TNNI3K: variants seen among roughly 807,000 people sequenced by gnomAD.
TNNI3K encodes the protein TNNI3 interacting kinase, also known as serine/threonine-protein kinase TNNI3K.
In TNNI3K, 140 loss-of-function variants were observed where a neutral mutation model predicts 114.5. The ratio of observed to expected loss-of-function variants is 1.22; its 90% CI spans 1.07 to 1.41. The LOEUF (loss-of-function observed/expected upper bound fraction) is 1.41, where lower values mean the gene tolerates loss of function less well. Among genes scored for constraint, TNNI3K ranks in the 40% most tolerant of loss-of-function variants. TNNI3K has a pLI of 0.00. For synonymous variants in TNNI3K, 347 were observed against 347.5 expected (o/e 1.00, Z 0.02); for missense variants, 1,125 against 1,007.6 (o/e 1.12, Z -1.58).
chr1:74,373,469 G>A (rs1262563910), intron 17 of TNNI3K: 1 of 151,876 alleles, frequency 6.6e-6, no homozygotes, highest in African/African-American at 2.4e-5. Flanking sequence ...TTGACATGGT[G>A]TGTTTATATT....
chr1:74,344,219 G>A (rs1024412915), intron 9 of TNNI3K, among the ~76,000 whole-genome samples: 6 of 152,142 alleles, frequency 3.9e-5, no homozygotes, highest in Non-Finnish European at 7.3e-5. Flanking sequence ...TCAAACAAGG[G>A]TGAAGTAAAA....
At chr1:74,330,692 A>G (rs1018582751) in intron 5 of TNNI3K, among the ~76,000 whole-genome samples, 58 of 152,262 alleles carry the variant, frequency 3.8e-4, no homozygotes, top group African/African-American at 1.3e-3. Context: ...CAGCCAATAA[A>G]CCTAAAATGG....
At chr1:74,404,346 C>T (rs922250162) in intron 17 of TNNI3K, among the ~76,000 whole-genome samples, 5 of 152,036 alleles carry the variant, frequency 3.3e-5, no homozygotes, top group South Asian at 2.1e-4. Flanking sequence ...TCTTCTTGCC[C>T]GTTTAATTTC....
At chr1:74,497,113 A>C (rs1184498106) in intron 23 of TNNI3K, among the ~76,000 whole-genome samples, 1 of 152,190 alleles carries the variant, frequency 6.6e-6, no homozygotes, top group Non-Finnish European at 1.5e-5. Flanking sequence ...GCAGTTTATA[A>C]AAGTTGAATA....
At chr1:74,302,875 GATGAAGGTGGCT>G (rs1382846712) in intron 5 of TNNI3K, among the ~76,000 whole-genome samples, 1 of 152,196 alleles carries the variant, frequency 6.6e-6, no homozygotes, top group Non-Finnish European at 1.5e-5. Context: ...TAAGATAAGT[GATGAAGGTGGCT>G]ACACTAAAAA....
intron 7 of TNNI3K, 47 bp downstream of exon 7, chr1:74,336,196 A>T (rs769048089): frequency 7.0e-6 from 11 of 1,565,256 alleles, no homozygotes; most frequent in Non-Finnish European, 9.4e-6. Context: ...TGCTTTATGT[A>T]TACCTTTTAC....
chr1:74,392,515 A>G (rs562105503), intron 17 of TNNI3K, among the ~76,000 whole-genome samples: 1 of 152,322 alleles, frequency 6.6e-6, no homozygotes, highest in East Asian at 1.9e-4. Flanking sequence ...CTTCTCATCT[A>G]TAAAGTCATT....
At chr1:74,477,976 T>A (rs187722343) in intron 21 of TNNI3K, among the ~76,000 whole-genome samples, 86 of 152,338 alleles carry the variant, frequency 5.6e-4, no homozygotes, top group African/African-American at 1.7e-3. Context: ...AGTGTCAAGA[T>A]ATTAGTGTTT....
At chr1:74,271,489 C>T in intron 4 of TNNI3K, 109 bp from the exon 5 acceptor site, 1 of 1,012,536 alleles carries the variant, frequency 9.9e-7, no homozygotes, top group Non-Finnish European at 1.4e-6. Flanking sequence ...CTTAAGTTTC[C>T]TTTGAGCACC....
rs1570653726 is a variant in TNNI3K at position 74,464,505 on chromosome 1, T to A, written c.2121+955T>A. The A allele has an allele frequency of 5.0e-6, 7 of 1,413,560 alleles. No homozygotes were observed. The East Asian group carries it at 1.8e-4, about 36-fold the overall frequency. The allele number at this position is 1,413,560 out of a possible 1,614,324, so 87.6% of individuals were successfully genotyped here. Reference sequence around the variant, plus strand: ...TTTGTTTCTGATCCTTCCTAGGCACTTTATAGCTCTTCAACAAGAGAATAA... The same window carrying A: ...TTTGTTTCTGATCCTTCCTAGGCACATTATAGCTCTTCAACAAGAGAATAA... On this transcript the variant is annotated intron_variant, in intron 21 of 24. Coordinates refer to ENST00000326637, the MANE Select transcript of TNNI3K (RefSeq NM_015978.3).
intron 17 of TNNI3K, among the ~76,000 whole-genome samples, chr1:74,410,650 A>C (rs1664838144): frequency 6.6e-6 from 1 of 152,240 alleles, no homozygotes; most frequent in African/African-American, 2.4e-5. Flanking sequence ...ACTAGATAGA[A>C]ACTTGGCATC....
At chr1:74,399,638 G>A (rs949240238) in intron 17 of TNNI3K, among the ~76,000 whole-genome samples, 1 of 152,286 alleles carries the variant, frequency 6.6e-6, no homozygotes, top group South Asian at 2.1e-4. Flanking sequence ...TCCCCAGATG[G>A]AAGGGAAAAG....
chr1:74,513,638 A>C (rs796100791), intron 23 of TNNI3K, among the ~76,000 whole-genome samples: 1 of 152,180 alleles, frequency 6.6e-6, no homozygotes, highest in South Asian at 2.1e-4. Flanking sequence ...ACATCTTGTC[A>C]CTTGCGTAAC....
intron 17 of TNNI3K, among the ~76,000 whole-genome samples, chr1:74,410,968 G>C (rs1253323592): frequency 6.6e-6 from 1 of 152,134 alleles, no homozygotes; most frequent in African/African-American, 2.4e-5. Flanking sequence ...ACAAAGGGTG[G>C]ATTATTGTGG....
chr1:74,509,989 A>G (rs1670103209), intron 23 of TNNI3K, among the ~76,000 whole-genome samples: 1 of 152,000 alleles, frequency 6.6e-6, no homozygotes, highest in African/African-American at 2.4e-5. Context: ...CCTGAATTCA[A>G]GCGATCTGCT....
intron 17 of TNNI3K, among the ~76,000 whole-genome samples, chr1:74,381,222 G>A (rs554583459): frequency 3.9e-5 from 6 of 152,166 alleles, no homozygotes; most frequent in Non-Finnish European, 7.4e-5. Context: ...ACTAATTGAC[G>A]GCATGGGCTC....
chr1:74,436,260 T>A lies in TNNI3K; in HGVS notation c.1825+128T>A. ...ATACTACACTGAACACTGACAGCTA[T>A]CCTACCATAAATCATTCAAATTTCA... On this transcript the variant is annotated intron_variant, in intron 18 of 24. Transcript: ENST00000326637. The A allele has an allele frequency of 2.3e-6, 3 of 1,285,876 alleles. No homozygotes were observed. In the East Asian group the frequency reaches 7.1e-5, roughly 31 times the overall value. The allele number at this position is 1,285,876 out of a possible 1,614,324, so 79.7% of individuals were successfully genotyped here.
At chr1:74,540,606 T>TTA (rs760965864) in intron 24 of TNNI3K, among the ~76,000 whole-genome samples, 40 of 147,310 alleles carry the variant, frequency 2.7e-4, no homozygotes, top group African/African-American at 7.0e-4. Flanking sequence ...ACTCTTTTTT[T>TTA]AAAAAAAAAA....
chr1:74,417,178 C>A (rs1665157534), intron 17 of TNNI3K, among the ~76,000 whole-genome samples: 1 of 151,908 alleles, frequency 6.6e-6, no homozygotes. Context: ...TATACTTGTT[C>A]TTAGGATATA....
Sources: allele counts gnomAD v4.1 joint callset (sites outside exome capture counted in the v4.1 genomes callset), GRCh38; gene constraint gnomAD v4.1.1; transcripts MANE v1.5; gene names NCBI Gene and HGNC (gene_info 2026-07-23, HGNC 2026-07-21).